Variants in CAMK1G observed in about 807,000 individuals in gnomAD.
CAMK1G encodes calcium/calmodulin-dependent protein kinase type 1G.
Under a neutral mutation model 54.8 loss-of-function variants are expected in CAMK1G, and 27 were observed. That is an observed-to-expected ratio of 0.49 (90% CI 0.36 to 0.68). The LOEUF (loss-of-function observed/expected upper bound fraction) is 0.68. CAMK1G is among the 30% of genes least tolerant of loss of function. The pLI, the probability that CAMK1G is intolerant of heterozygous loss-of-function variation, is 0.00. For synonymous variants in CAMK1G, 238 were observed against 224.9 expected (o/e 1.06, Z -0.52); for missense variants, 512 against 591.0 (o/e 0.87, Z 1.39).
intron 9 of CAMK1G, among the ~76,000 whole-genome samples, chr1:209,610,405 C>T (rs1665754338): frequency 6.6e-6 from 1 of 152,144 alleles, no homozygotes; most frequent in Admixed American, 6.5e-5. Flanking sequence ...TTTACAATAG[C>T]TCCCCACTTC....
At chr1:209,583,998 A>T (rs1370661062) in intron 1 of CAMK1G, 2 of 152,040 alleles carry the variant, frequency 1.3e-5, no homozygotes, top group Non-Finnish European at 2.9e-5. Context: ...TCTGTCCGTC[A>T]CTCCTGGGCT....
chr1:209,606,418 T>C lies in CAMK1G; in HGVS notation c.534T>C (p.Thr178=). ...TGGAACAGAATGGCATCATGTCCAC[T>C]GCCTGTGGGACCCCAGGCTACGTGG... is the stretch of plus-strand genomic sequence containing the variant. ...SKMEQNGIMS[T]ACGTPGYVAP... is the part of the protein sequence containing the mutation. Residue 178 remains threonine, a synonymous_variant, in exon 6 of 13, where the codon ACT becomes ACC. Coordinates refer to ENST00000361322, the MANE Select transcript of CAMK1G (RefSeq NM_020439.3). 2 of 1,614,116 alleles carry C rather than the reference T, an allele frequency of 1.2e-6. No individual in the cohort carries two copies. The highest frequency in any genetic ancestry group is 2.2e-5 in the South Asian group (2 of 91,086).
At chr1:209,597,702 G>A (rs549108917) in intron 2 of CAMK1G, among the ~76,000 whole-genome samples, 1 of 152,322 alleles carries the variant, frequency 6.6e-6, no homozygotes, top group East Asian at 1.9e-4. Context: ...AGGAAACTCA[G>A]ACACAGGAAA....
chr1:209,596,661 CCA>C (rs55936082), intron 2 of CAMK1G, among the ~76,000 whole-genome samples: 2,817 of 148,126 alleles, frequency 0.019, 35 homozygotes, highest in South Asian at 0.057. Context: ...CACACACACA[CCA>C]CACACACACA....
chr1:209,612,177 G>A lies in CAMK1G; in HGVS notation c.1301G>A (p.Cys434Tyr), dbSNP rs768950826. 6.2e-7 allele frequency: 1 copy of A among 1,614,118 alleles called. No individual in the cohort carries two copies. Among genetic ancestry groups the A allele is most frequent in the Non-Finnish European group, 8.5e-7 (1 of 1,180,038 alleles). ...GGGAGCAAAGGAAAGTCCTCCTACT[G>A]CTCTGAGCCCACACTCCTCAAAAAG... Reference protein sequence around the residue: ...NIGSKGKSSYCSEPTLLKKAN... With the variant: ...NIGSKGKSSYYSEPTLLKKAN... The change falls in exon 11 of 13, where the codon TGC (cysteine) becomes TAC (tyrosine). Residue 434 changes from cysteine (C) to tyrosine (Y), a missense_variant. Coordinates refer to ENST00000361322, the MANE Select transcript of CAMK1G (RefSeq NM_020439.3).
chr1:209,598,857 G>A (rs1284002960), intron 2 of CAMK1G, among the ~76,000 whole-genome samples: 3 of 152,144 alleles, frequency 2.0e-5, no homozygotes, highest in African/African-American at 7.2e-5. Flanking sequence ...TAATCCCAAC[G>A]CTTTGGAAAG....
intron 12 of CAMK1G, 62 bp downstream of exon 12, chr1:209,612,974 C>A: frequency 1.1e-6 from 1 of 885,462 alleles, no homozygotes; most frequent in Non-Finnish European, 1.9e-6. Flanking sequence ...AGCCCCATGC[C>A]AGAGTGTGAG....
chr1:209,599,928 AAGTG>A, intron 2 of CAMK1G, 51 bp from the exon 3 acceptor site: 2 of 1,602,000 alleles, frequency 1.2e-6, no homozygotes, highest in South Asian at 2.2e-5. Context: ...TTACATCTGG[AAGTG>A]TAAGATGTCT....
At position 209,609,927 on chromosome 1, in the gene CAMK1G, C is replaced by T; in HGVS notation, c.825C>T (p.Pro275=). Reference sequence around the variant, plus strand: ...CCTGTGAGAAGGCCTTGAGTCATCCCTGGTGAGTGAGACATGGAGTGGACT... The same window carrying T: ...CCTGTGAGAAGGCCTTGAGTCATCCTTGGTGAGTGAGACATGGAGTGGACT... ...RYTCEKALSH[P]WIDGNTALHR... Residue 275 remains proline (P), a splice_region_variant and synonymous_variant, in exon 9 of 13, where the codon CCC becomes CCT. Transcript: ENST00000361322. The T allele has an allele frequency of 6.2e-7, 1 of 1,613,704 alleles. No individual in the cohort carries two copies.
At chr1:209,609,654 G>A (rs879370731) in intron 8 of CAMK1G, among the ~76,000 whole-genome samples, 197 bp from the exon 9 acceptor site, 3 of 152,198 alleles carry the variant, frequency 2.0e-5, no homozygotes, top group Non-Finnish European at 2.9e-5. Flanking sequence ...GCGGCTTGGA[G>A]CTTCCCTTCT....
At chr1:209,603,512 C>G (rs1446304094) in intron 4 of CAMK1G, among the ~76,000 whole-genome samples, 1 of 152,162 alleles carries the variant, frequency 6.6e-6, no homozygotes, top group East Asian at 1.9e-4. Flanking sequence ...TTATTAAGCT[C>G]CTTTGCACCA....
chr1:209,585,635 A>C (rs114970560), intron 1 of CAMK1G, among the ~76,000 whole-genome samples: 2,090 of 152,318 alleles, frequency 0.014, 49 homozygotes, highest in African/African-American at 0.048. Flanking sequence ...TGCCCCACCC[A>C]GGTGCGTGGT....
chr1:209,598,540 T>C (rs116321954), intron 2 of CAMK1G, among the ~76,000 whole-genome samples: 5 of 152,342 alleles, frequency 3.3e-5, no homozygotes, highest in Non-Finnish European at 7.3e-5. Flanking sequence ...TCTCTGTCTC[T>C]AGGGGTCATT....
Position 209,599,963 on chromosome 1 carries a change from T to G in CAMK1G, c.93-20T>G, listed in dbSNP as rs1665486462. 3 of 1,611,892 alleles carry G rather than the reference T, an allele frequency of 1.9e-6. No individual in the cohort carries two copies. In the East Asian group the frequency reaches 6.7e-5, roughly 36 times the overall value. ...TGTCTGCCCCCTACTAAGTTTTATC[T>G]TTTGGTGTCTTCTCCTCAGAGGAGC... On this transcript the variant is annotated intron_variant, in intron 2 of 12. Transcript: ENST00000361322.
chr1:209,606,235 C>T, intron 5 of CAMK1G, 85 bp from the exon 6 acceptor site: 2 of 1,548,944 alleles, frequency 1.3e-6, no homozygotes, highest in South Asian at 1.2e-5. Context: ...CAGGGCTCAT[C>T]TTCCTGTGAA....
rs139892071 is a variant in CAMK1G, at chr1:209,596,138, G to A, written c.92+1063G>A. On this transcript the variant is annotated intron_variant, in intron 2 of 12. Coordinates refer to ENST00000361322, the MANE Select transcript of CAMK1G (RefSeq NM_020439.3). ...AATGACGGCTGCCCACACTCGTGCC[G>A]TAGACAGAGAAGACACTTCTGGGCC... Among the ~76,000 whole-genome samples, 1,285 of 152,338 alleles carry A rather than the reference G, an allele frequency of 8.4e-3. 17 individuals carry two copies. Among genetic ancestry groups the A allele is most frequent in the African/African-American group, 0.029 (1,187 of 41,586 alleles).
At chr1:209,600,545 C>T (rs933106281) in intron 3 of CAMK1G, among the ~76,000 whole-genome samples, 2 of 152,236 alleles carry the variant, frequency 1.3e-5, no homozygotes, top group Non-Finnish European at 2.9e-5. Context: ...CAGCAAGACT[C>T]TTACCACAGA....
intron 11 of CAMK1G, 134 bp from the exon 12 acceptor site, chr1:209,612,651 C>A: frequency 1.5e-6 from 1 of 685,702 alleles, no homozygotes; most frequent in South Asian, 1.8e-5. Flanking sequence ...TCTGCAGGTT[C>A]TTGAACTTTC....
At chr1:209,606,801 C>A (rs78135168) in intron 6 of CAMK1G, among the ~76,000 whole-genome samples, 145 of 152,258 alleles carry the variant, frequency 9.5e-4, no homozygotes, top group African/African-American at 3.3e-3. Flanking sequence ...GAGCACCAAC[C>A]CTACTCCTTT....
Sources: allele counts gnomAD v4.1 joint callset (sites outside exome capture counted in the v4.1 genomes callset), GRCh38; gene constraint gnomAD v4.1.1; transcripts MANE v1.5; gene names NCBI Gene and HGNC (gene_info 2026-07-23, HGNC 2026-07-21).